The following GSK3B variants were observed in gnomAD, a reference collection of about 807,000 sequenced individuals.
GSK3B encodes the protein glycogen synthase kinase 3 beta.
Under a neutral mutation model 56.4 loss-of-function variants are expected in GSK3B, and 15 were observed. The ratio of observed to expected loss-of-function variants is 0.27; its 90% confidence interval spans 0.18 to 0.41. GSK3B has a LOEUF of 0.41. Ranked by LOEUF, GSK3B falls within the 10% of genes least tolerant of loss-of-function variation. The pLI is 1.00. For synonymous variants in GSK3B, 181 were observed against 188.9 expected (o/e 0.96, Z 0.34); for missense variants, 300 against 513.4 (o/e 0.58, Z 4.02).
At chr3:119,927,784 A>G (rs887257692) in intron 3 of GSK3B, among the ~76,000 whole-genome samples, 2 of 152,162 alleles carry the variant, frequency 1.3e-5, no homozygotes, top group Non-Finnish European at 2.9e-5. Flanking sequence ...TAAGGAAAGG[A>G]CTGAGTATGG....
intron 2 of GSK3B, among the ~76,000 whole-genome samples, chr3:119,986,612 A>G (rs56126162): frequency 0.27 from 41,812 of 152,092 alleles, 7,780 homozygotes; most frequent in African/African-American, 0.54. Flanking sequence ...TCAGAGAAAC[A>G]CAAATCAAAA....
At chr3:119,936,654 A>G (rs2056997922) in intron 3 of GSK3B, among the ~76,000 whole-genome samples, 1 of 151,796 alleles carries the variant, frequency 6.6e-6, no homozygotes, top group Non-Finnish European at 1.5e-5. Flanking sequence ...AGCCTTGGGT[A>G]TCGTATGTTG....
intron 1 of GSK3B, chr3:120,029,234 C>A: frequency 1.4e-6 from 1 of 708,062 alleles, no homozygotes. Context: ...GGCCACCAGA[C>A]TATGACAGGT....
intron 1 of GSK3B, among the ~76,000 whole-genome samples, chr3:120,036,001 T>A (rs1035786543): frequency 6.6e-6 from 1 of 152,204 alleles, no homozygotes; most frequent in East Asian, 1.9e-4. Context: ...GAAACTCTAG[T>A]ACAATGTTAA....
At chr3:119,927,119 A>C (rs2056895793) in intron 3 of GSK3B, among the ~76,000 whole-genome samples, 2 of 152,372 alleles carry the variant, frequency 1.3e-5, no homozygotes, top group South Asian at 2.1e-4. Flanking sequence ...TGCTGACTAA[A>C]TTAAGTGTAA....
chr3:120,090,682 AC>A (rs919004680), intron 1 of GSK3B, among the ~76,000 whole-genome samples: 1 of 152,132 alleles, frequency 6.6e-6, no homozygotes, highest in Non-Finnish European at 1.5e-5. Context: ...TTCACAACAT[AC>A]CCTACTAGCT....
chr3:119,921,792 A>C (rs2056842092), intron 4 of GSK3B, among the ~76,000 whole-genome samples: 1 of 152,196 alleles, frequency 6.6e-6, no homozygotes, highest in African/African-American at 2.4e-5. Flanking sequence ...ACACTAATGA[A>C]ATACCATTTA....
chr3:119,865,237 T>G (rs2056160988), intron 8 of GSK3B, among the ~76,000 whole-genome samples: 1 of 151,864 alleles, frequency 6.6e-6, no homozygotes, highest in Admixed American at 6.6e-5. Context: ...TTTTGCTAGC[T>G]AATCCAAAAT....
chr3:120,023,670 G>A (rs893759571), intron 1 of GSK3B, among the ~76,000 whole-genome samples: 6 of 152,044 alleles, frequency 3.9e-5, no homozygotes, highest in African/African-American at 9.6e-5. Context: ...ACACACCCTC[G>A]TCACAAACCT....
At chr3:119,891,803 A>G (rs1290457026) in intron 7 of GSK3B, among the ~76,000 whole-genome samples, 1 of 152,176 alleles carries the variant, frequency 6.6e-6, no homozygotes, top group Non-Finnish European at 1.5e-5. Context: ...ACCAATGGGA[A>G]GGGAACATAT....
intron 7 of GSK3B, among the ~76,000 whole-genome samples, chr3:119,889,424 G>C (rs958014434): frequency 6.6e-6 from 1 of 152,170 alleles, no homozygotes; most frequent in Non-Finnish European, 1.5e-5. Flanking sequence ...CAAAGAACAG[G>C]AAGGGGAATG....
intron 1 of GSK3B, among the ~76,000 whole-genome samples, chr3:120,057,807 C>T (rs1194893645): frequency 2.0e-5 from 3 of 151,976 alleles, no homozygotes; most frequent in East Asian, 1.9e-4. Flanking sequence ...TTTGCAAAAC[C>T]GGAATAAGTA....
At chr3:119,900,792 T>C (rs1205261800) in intron 7 of GSK3B, among the ~76,000 whole-genome samples, 2 of 152,158 alleles carry the variant, frequency 1.3e-5, no homozygotes, top group Non-Finnish European at 1.5e-5. Context: ...ATATACTTAA[T>C]TGTTCAGTTT....
chr3:120,023,619 A>G (rs139825076), intron 1 of GSK3B, among the ~76,000 whole-genome samples: 34 of 152,304 alleles, frequency 2.2e-4, no homozygotes, highest in African/African-American at 7.9e-4. Flanking sequence ...AATTTAATCA[A>G]GAAGAAAAAT....
intron 1 of GSK3B, among the ~76,000 whole-genome samples, chr3:120,064,052 A>C (rs2058260085): frequency 6.6e-6 from 1 of 152,090 alleles, no homozygotes; most frequent in Non-Finnish European, 1.5e-5. Context: ...TAGTATTTAT[A>C]CTAATTGCAA....
intron 1 of GSK3B, among the ~76,000 whole-genome samples, chr3:120,053,343 A>T (rs1399889728): frequency 6.6e-6 from 1 of 152,190 alleles, no homozygotes; most frequent in Non-Finnish European, 1.5e-5. Context: ...GCTCAAAAGA[A>T]AAAGAAAACT....
chr3:120,082,053 T>C (rs1464917610), intron 1 of GSK3B, among the ~76,000 whole-genome samples: 1 of 152,136 alleles, frequency 6.6e-6, no homozygotes, highest in Non-Finnish European at 1.5e-5. Context: ...CCTAATTATC[T>C]TAACAGCAAA....
intron 9 of GSK3B, among the ~76,000 whole-genome samples, chr3:119,852,921 A>G (rs949760879): frequency 6.6e-6 from 1 of 152,094 alleles, no homozygotes; most frequent in Non-Finnish European, 1.5e-5. Context: ...GAAGCTCTTT[A>G]GCTTAATTAG....
At chr3:120,069,870 G>A (rs1057155534) in intron 1 of GSK3B, among the ~76,000 whole-genome samples, 3 of 151,874 alleles carry the variant, frequency 2.0e-5, no homozygotes, top group Non-Finnish European at 2.9e-5. Context: ...TATTTAAGAT[G>A]GAATTTCTAT....
Sources: allele counts gnomAD v4.1 joint callset (sites outside exome capture counted in the v4.1 genomes callset), GRCh38; gene constraint gnomAD v4.1.1; transcripts MANE v1.5; gene names NCBI Gene and HGNC (gene_info 2026-07-23, HGNC 2026-07-21).